The following TNNI3K variants were observed in gnomAD, a reference collection of about 807,000 sequenced individuals.
TNNI3K encodes the protein TNNI3 interacting kinase, also known as serine/threonine-protein kinase TNNI3K.
Under a neutral mutation model 114.5 loss-of-function variants are expected in TNNI3K, and 140 were observed. The ratio of observed to expected loss-of-function variants is 1.22; its 90% CI spans 1.07 to 1.41. The LOEUF is 1.41. Among genes scored for constraint, TNNI3K ranks in the 40% most tolerant of loss-of-function variants. TNNI3K has a pLI of 0.00. For synonymous variants in TNNI3K, 347 were observed against 347.5 expected (o/e 1.00, Z 0.02); for missense variants, 1,125 against 1,007.6 (o/e 1.12, Z -1.58).
At chr1:74,499,299 G>A (rs1406928362) in intron 23 of TNNI3K, among the ~76,000 whole-genome samples, 3 of 152,098 alleles carry the variant, frequency 2.0e-5, no homozygotes, top group Non-Finnish European at 4.4e-5. Context: ...GCGCCACCAT[G>A]CCCAGTTAAT....
intron 5 of TNNI3K, among the ~76,000 whole-genome samples, chr1:74,272,904 A>G (rs921643010): frequency 2.0e-5 from 3 of 151,926 alleles, no homozygotes; most frequent in African/African-American, 7.2e-5. Flanking sequence ...TTTACTCAAA[A>G]TCCCATGATT....
At chr1:74,429,671 G>T (rs191595650) in intron 17 of TNNI3K, among the ~76,000 whole-genome samples, 1 of 152,110 alleles carries the variant, frequency 6.6e-6, no homozygotes, top group African/African-American at 2.4e-5. Flanking sequence ...CCAGCAGATC[G>T]GAAGACCAGG....
At chr1:74,290,316 A>G (rs1231481739) in intron 5 of TNNI3K, among the ~76,000 whole-genome samples, 1 of 151,434 alleles carries the variant, frequency 6.6e-6, no homozygotes, top group Non-Finnish European at 1.5e-5. Flanking sequence ...ACACTTTTAT[A>G]ATATTTGTAA....
At chr1:74,248,101 G>A (rs1384125983) in intron 2 of TNNI3K, among the ~76,000 whole-genome samples, 1 of 152,124 alleles carries the variant, frequency 6.6e-6, no homozygotes, top group African/African-American at 2.4e-5. Context: ...AGCGCAGGTG[G>A]GCTGGCAGTG....
chr1:74,502,659 CCT>C (rs1433269243), intron 23 of TNNI3K, among the ~76,000 whole-genome samples: 3 of 152,290 alleles, frequency 2.0e-5, no homozygotes, highest in Admixed American at 1.3e-4. Context: ...AACATACTTC[CCT>C]CTGTCTATGG....
intron 23 of TNNI3K, among the ~76,000 whole-genome samples, chr1:74,526,756 G>A (rs1657540845): frequency 1.3e-5 from 2 of 152,160 alleles, no homozygotes; most frequent in Admixed American, 6.5e-5. Flanking sequence ...AGATATCATT[G>A]TTTGGCCCAA....
chr1:74,416,483 A>C, intron 17 of TNNI3K: 1 of 978,450 alleles, frequency 1.0e-6, no homozygotes, highest in Non-Finnish European at 1.2e-6. Context: ...CAAAAGGTAG[A>C]GGCTTTACAC....
Position 74,533,962 on chromosome 1 carries a change from G to A in TNNI3K, c.2352-6272G>A, listed in dbSNP as rs114279252. Among the ~76,000 whole-genome samples, 1,341 of 152,244 alleles carry A rather than the reference G, an allele frequency of 8.8e-3. 13 individuals are homozygous for A. Among genetic ancestry groups the A allele is most frequent in the Non-Finnish European group, 9.2e-3 (629 of 68,022 alleles). On this transcript the variant is annotated intron_variant, in intron 23 of 24. Transcript: ENST00000326637. ...TGTTCAAGTTCAGTTTCTGCCTCTGGCTAGCTCTGTGAGTTTCTGCAAGTC... is the reference window on the plus strand; with the variant it reads ...TGTTCAAGTTCAGTTTCTGCCTCTGACTAGCTCTGTGAGTTTCTGCAAGTC...
At chr1:74,283,830 A>G (rs1474519317) in intron 5 of TNNI3K, among the ~76,000 whole-genome samples, 1 of 152,186 alleles carries the variant, frequency 6.6e-6, no homozygotes, top group African/African-American at 2.4e-5. Context: ...TATTTGTATA[A>G]TTCATGTTAT....
rs889380416 is a variant in TNNI3K at position 74,335,937 on chromosome 1, T to C, written c.544-74T>C. 10 of 1,476,634 alleles carry C rather than the reference T, an allele frequency of 6.8e-6. No homozygotes were observed. The African/African-American group carries it at 1.4e-4, about 21-fold the overall frequency. 91.5% of individuals were successfully genotyped at this position (1,476,634 alleles called of 1,614,324 possible). A position where few individuals can be genotyped will look rare whatever the true frequency, so the allele number is the denominator to read the frequency against. On this transcript the variant is annotated intron_variant, in intron 6 of 24. Coordinates refer to ENST00000326637, the MANE Select transcript of TNNI3K (RefSeq NM_015978.3). ...ATTTTTGTGGTTTAAGCCAGTTGTG[T>C]TCTTGTATACTGCCAAAAGTTTTGC... is the stretch of plus-strand genomic sequence containing the variant.
intron 20 of TNNI3K, among the ~76,000 whole-genome samples, chr1:74,446,184 C>A (rs531646621): frequency 1.3e-5 from 2 of 152,206 alleles, no homozygotes; most frequent in African/African-American, 4.8e-5. Flanking sequence ...TGTTTCTCCA[C>A]ATCCTCTCCA....
intron 23 of TNNI3K, among the ~76,000 whole-genome samples, chr1:74,511,320 G>C (rs1314865977): frequency 6.6e-6 from 1 of 152,078 alleles, no homozygotes; most frequent in African/African-American, 2.4e-5. Flanking sequence ...AGGCTCCCGA[G>C]TAGCTGGGAC....
At chr1:74,529,488 T>C (rs1466712324) in intron 23 of TNNI3K, among the ~76,000 whole-genome samples, 1 of 152,142 alleles carries the variant, frequency 6.6e-6, no homozygotes, top group African/African-American at 2.4e-5. Context: ...TAAAGAAACA[T>C]GACAATTCAG....
At chr1:74,431,698 A>G (rs1665907118) in intron 17 of TNNI3K, among the ~76,000 whole-genome samples, 2 of 152,236 alleles carry the variant, frequency 1.3e-5, no homozygotes, top group South Asian at 4.1e-4. Flanking sequence ...CTTCTAGCAT[A>G]TCATATCTCC....
chr1:74,491,652 T>C (rs1669084057), intron 22 of TNNI3K, among the ~76,000 whole-genome samples: 1 of 152,170 alleles, frequency 6.6e-6, no homozygotes, highest in African/African-American at 2.4e-5. Context: ...TCTTATAAAA[T>C]TGATGTATTC....
At chr1:74,318,527 G>C (rs1659440787) in intron 5 of TNNI3K, among the ~76,000 whole-genome samples, 1 of 152,238 alleles carries the variant, frequency 6.6e-6, no homozygotes, top group African/African-American at 2.4e-5. Flanking sequence ...CCAGGTGCCA[G>C]TGGATGAGCA....
At position 74,372,173 on chromosome 1, in the gene TNNI3K, G is replaced by A. The variant is rs200427639; in HGVS notation, c.1772+1781G>A. 4 of 150,560 alleles carry A rather than the reference G, an allele frequency of 2.7e-5. 1 individual carries two copies. The East Asian group carries it at 5.9e-4, about 22-fold the overall frequency. 9.3% of individuals were successfully genotyped at this position (150,560 alleles called of 1,614,324 possible). ...AAATAATATAAACTATTGATTGGTT[G>A]TACCTTGTTCTTTAATCAAAAATTA... On this transcript the variant is annotated intron_variant, in intron 17 of 24. Transcript: ENST00000326637.
intron 20 of TNNI3K, among the ~76,000 whole-genome samples, chr1:74,444,531 G>A (rs1403965533): frequency 6.6e-6 from 1 of 152,036 alleles, no homozygotes; most frequent in East Asian, 1.9e-4. Flanking sequence ...AGAAATAAGA[G>A]AGGACACAAA....
intron 5 of TNNI3K, among the ~76,000 whole-genome samples, chr1:74,329,892 A>G (rs969795558): frequency 1.3e-5 from 2 of 152,118 alleles, no homozygotes; most frequent in Admixed American, 6.5e-5. Flanking sequence ...ATTTGTTCAT[A>G]TAAACAGAAG....
Sources: gnomAD v4.1 joint callset for allele counts (sites outside exome capture counted in the v4.1 genomes callset) on GRCh38, gnomAD v4.1.1 for gene constraint, MANE v1.5 for transcripts, NCBI Gene and HGNC (gene_info 2026-07-23, HGNC 2026-07-21) for gene names.